The following ADAM23 variants were observed in gnomAD, a reference collection of about 807,000 sequenced individuals.
The protein encoded by ADAM23 is disintegrin and metalloproteinase domain-containing protein 23.
ADAM23 carries 33 observed loss-of-function variants against 120.1 expected under a neutral mutation model. The observed-to-expected ratio is 0.27, with a 90% CI of 0.21 to 0.37. The LOEUF is 0.37. Ranked by LOEUF, ADAM23 falls within the 10% of genes least tolerant of loss-of-function variation. The pLI, the probability that ADAM23 is intolerant of heterozygous loss-of-function variation, is 1.00. For synonymous variants in ADAM23, 367 were observed against 375.2 expected, an observed-to-expected ratio of 0.98 and a Z score of 0.25; for missense variants, 862 against 1,058.2, an observed-to-expected ratio of 0.81 and a Z score of 2.57.
intron 1 of ADAM23, among the ~76,000 whole-genome samples, chr2:206,444,593 G>T (rs1470942324): frequency 6.6e-6 from 1 of 152,172 alleles, no homozygotes; most frequent in Non-Finnish European, 1.5e-5. Context: ...ACGACCTTTG[G>T]TTCTGATTTC....
intron 24 of ADAM23, 24 bp from the exon 25 acceptor site, chr2:206,609,886 T>A (rs373640820): frequency 8.5e-5 from 135 of 1,585,010 alleles, no homozygotes; most frequent in Non-Finnish European, 1.0e-4. Context: ...CATATGACTC[T>A]CTTCCCATGA....
intron 3 of ADAM23, among the ~76,000 whole-genome samples, chr2:206,517,959 T>C (rs2105787790): frequency 6.6e-6 from 1 of 152,320 alleles, no homozygotes; most frequent in South Asian, 2.1e-4. Flanking sequence ...TCAGTCTCTT[T>C]GGGATTTGGC....
intron 2 of ADAM23, among the ~76,000 whole-genome samples, chr2:206,447,753 A>G (rs1227846532): frequency 1.3e-5 from 2 of 152,122 alleles, no homozygotes; most frequent in African/African-American, 4.8e-5. Context: ...TGTGTTATGT[A>G]CCTTTTTTTC....
intron 13 of ADAM23, among the ~76,000 whole-genome samples, chr2:206,563,785 A>G (rs1452451849): frequency 6.7e-6 from 1 of 148,516 alleles, no homozygotes; most frequent in African/African-American, 2.5e-5. Context: ...GCTGGAGTGC[A>G]GTGGCACGAT....
chr2:206,481,509 C>G (rs1695896366), intron 3 of ADAM23, among the ~76,000 whole-genome samples: 1 of 152,110 alleles, frequency 6.6e-6, no homozygotes, highest in African/African-American at 2.4e-5. Context: ...TTAAGCATCT[C>G]AAACCCAGCA....
chr2:206,610,878 A>C (rs943420673), intron 25 of ADAM23, among the ~76,000 whole-genome samples: 9 of 152,158 alleles, frequency 5.9e-5, no homozygotes, highest in African/African-American at 2.2e-4. Flanking sequence ...TCCTGTGATA[A>C]ATTTTCAGCC....
At chr2:206,481,357 T>A (rs1695893036) in intron 3 of ADAM23, 49 bp downstream of exon 3, 1 of 1,398,494 alleles carries the variant, frequency 7.2e-7, no homozygotes, top group Admixed American at 2.2e-5. Context: ...AATAAAGCTT[T>A]GTTTTTATAA....
Position 206,488,050 on chromosome 2 carries a change from G to A in ADAM23, c.509+6742G>A, listed in dbSNP as rs189360199. Among the ~76,000 whole-genome samples, 109 of 152,340 alleles carry A rather than the reference G, an allele frequency of 7.2e-4. 2 individuals carry two copies. The East Asian group carries it at 0.013, about 19-fold the overall frequency. ...AAAATGCTGATTTAAAGAAATACAT[G>A]CAGGCAGTACTTTGCTCGTTAAAAG... On this transcript the variant is annotated intron_variant, in intron 3 of 25. Coordinates refer to ENST00000264377, the MANE Select transcript of ADAM23 (RefSeq NM_003812.4).
At chr2:206,498,382 C>G (rs1451235786) in intron 3 of ADAM23, among the ~76,000 whole-genome samples, 5 of 152,058 alleles carry the variant, frequency 3.3e-5, no homozygotes, top group Admixed American at 6.5e-5. Flanking sequence ...ACAAACCTGA[C>G]AAAAAGAAGA....
At chr2:206,533,139 C>G (rs1697102329) in intron 4 of ADAM23, among the ~76,000 whole-genome samples, 1 of 152,080 alleles carries the variant, frequency 6.6e-6, no homozygotes. Context: ...GTAAGAATGG[C>G]TAGGTTAAAC....
chr2:206,470,217 A>G (rs1695625730), intron 2 of ADAM23, among the ~76,000 whole-genome samples: 2 of 152,166 alleles, frequency 1.3e-5, no homozygotes, highest in Non-Finnish European at 2.9e-5. Context: ...TAATCTGAGG[A>G]AATAGATATA....
intron 4 of ADAM23, among the ~76,000 whole-genome samples, chr2:206,533,043 G>A (rs1211335250): frequency 6.6e-6 from 1 of 151,794 alleles, no homozygotes; most frequent in Non-Finnish European, 1.5e-5. Context: ...TATTTTTAAA[G>A]CATTTGTAAA....
chr2:206,509,860 A>T (rs986166103), intron 3 of ADAM23, among the ~76,000 whole-genome samples: 29 of 152,244 alleles, frequency 1.9e-4, no homozygotes, highest in African/African-American at 6.8e-4. Context: ...TGTAATGAAG[A>T]CAAGTATCAG....
chr2:206,495,314 C>T (rs1696219174), intron 3 of ADAM23, among the ~76,000 whole-genome samples: 1 of 152,164 alleles, frequency 6.6e-6, no homozygotes, highest in Non-Finnish European at 1.5e-5. Flanking sequence ...GGCAGAAACT[C>T]TACAAGCCAG....
At chr2:206,519,696 AT>A (rs1318222835) in intron 3 of ADAM23, among the ~76,000 whole-genome samples, 2 of 152,128 alleles carry the variant, frequency 1.3e-5, no homozygotes, top group African/African-American at 4.8e-5. Flanking sequence ...CATTGTGACA[AT>A]TACTTAAACA....
At chr2:206,598,167 C>T (rs1428560708) in intron 24 of ADAM23, among the ~76,000 whole-genome samples, 2 of 152,008 alleles carry the variant, frequency 1.3e-5, no homozygotes, top group African/African-American at 4.8e-5. Flanking sequence ...CAAGAGAAGC[C>T]AAGGTTCATT....
intron 4 of ADAM23, among the ~76,000 whole-genome samples, chr2:206,536,331 G>A (rs557708496): frequency 9.9e-5 from 15 of 151,504 alleles, no homozygotes; most frequent in African/African-American, 3.1e-4. Flanking sequence ...TTATGTTGGT[G>A]CAAAAGCAAT....
In ADAM23 at chr2:206,443,983, C is replaced by T. The variant is rs761469401; in HGVS notation, c.117C>T (p.Ala39=). Residue 39 remains alanine (A), a synonymous_variant, in exon 1 of 26, where the codon GCC becomes GCT. Coordinates refer to ENST00000264377, the MANE Select transcript of ADAM23 (RefSeq NM_003812.4). ...GCTCGGTGCCTGCCAGCGCCCCGGC[C>T]CGCACGCCGCCCTGCCGCCTGCTTC... The part of the protein sequence containing the change: ...PAGSVPASAP[A]RTPPCRLLLV... 6.3e-5 allele frequency: 87 copies of T among 1,378,036 alleles called. No individual in the cohort carries two copies. In the Middle Eastern group the frequency reaches 7.8e-4, roughly 12 times the overall value. The allele number at this position is 1,378,036 out of a possible 1,614,324, so 85.4% of individuals were successfully genotyped here.
intron 3 of ADAM23, among the ~76,000 whole-genome samples, chr2:206,501,614 T>C (rs189466943): frequency 0.044 from 6,684 of 152,104 alleles, 502 homozygotes; most frequent in African/African-American, 0.15. Context: ...ATACTATATT[T>C]TAAGCACATA....
Sources: allele counts gnomAD v4.1 joint callset (sites outside exome capture counted in the v4.1 genomes callset), GRCh38; gene constraint gnomAD v4.1.1; transcripts MANE v1.5; gene names NCBI Gene and HGNC (gene_info 2026-07-23, HGNC 2026-07-21).